The following PTPRN2 variants were observed in gnomAD, a reference collection of about 807,000 sequenced individuals.
PTPRN2 encodes receptor-type tyrosine-protein phosphatase N2.
A neutral mutation model predicts 118.8 loss-of-function variants in PTPRN2; 74 were observed. The ratio of observed to expected loss-of-function variants is 0.62; its 90% CI spans 0.52 to 0.76. PTPRN2 has a LOEUF of 0.76. Among genes scored for constraint, PTPRN2 ranks in the 30% least tolerant of loss-of-function variants. The probability of loss-of-function intolerance (pLI) is 0.00; values close to 1 mark genes in which losing one functional copy is unlikely to be tolerated. For missense variants in PTPRN2, 1,481 were observed against 1,394.4 expected (o/e 1.06, Z -0.99); for synonymous variants, 641 against 608.0 (o/e 1.05, Z -0.80).
At chr7:158,243,804 A>C (rs932537461) in intron 3 of PTPRN2, among the ~76,000 whole-genome samples, 3 of 151,964 alleles carry the variant, frequency 2.0e-5, no homozygotes, top group Non-Finnish European at 2.9e-5. Context: ...TATATCTCCT[A>C]AGTATCAGTG....
Position 158,563,336 on chromosome 7 carries a change from G to A in PTPRN2, c.112+24222C>T, listed in dbSNP as rs1477965329. 6.6e-6 allele frequency among the ~76,000 whole-genome samples: 1 copy of A among 152,200 alleles called. No homozygotes were observed. The highest frequency in any genetic ancestry group is 1.5e-5 in the Non-Finnish European group (1 of 68,036). ...CTCGTTCAAAGCAAGAAGTACCCAA[G>A]TGGAACGCAGATACGGCACGTCAGT... On this transcript the variant is annotated intron_variant, in intron 1 of 22. Transcript: ENST00000389418. The surrounding 1 kb of genome is among the most constrained non-coding windows in gnomAD (Gnocchi z 5.1).
At chr7:158,194,140 T>G (rs1199421371) in intron 4 of PTPRN2, among the ~76,000 whole-genome samples, 1 of 148,352 alleles carries the variant, frequency 6.7e-6, no homozygotes, top group Admixed American at 6.6e-5. Context: ...TGTGAGTTTG[T>G]GTAAGTGTGT....
intron 7 of PTPRN2, among the ~76,000 whole-genome samples, chr7:158,138,040 G>C (rs1311386185): frequency 6.6e-6 from 1 of 152,198 alleles, no homozygotes; most frequent in Non-Finnish European, 1.5e-5. Flanking sequence ...TCCTGACTCA[G>C]CCTCAGCATG....
At chr7:158,577,454 G>C (rs1586973338) in intron 1 of PTPRN2, among the ~76,000 whole-genome samples, 2 of 131,728 alleles carry the variant, frequency 1.5e-5, no homozygotes, top group Non-Finnish European at 3.2e-5. Flanking sequence ...TGCCCACCCT[G>C]CCTGATGCCA....
At chr7:158,027,564 C>G (rs1169010396) in intron 11 of PTPRN2, 1 of 152,282 alleles carries the variant, frequency 6.6e-6, no homozygotes, top group African/African-American at 2.4e-5. Flanking sequence ...GCACCCTCCA[C>G]AATCCTCTAT....
intron 1 of PTPRN2, among the ~76,000 whole-genome samples, chr7:158,519,748 C>G (rs578159892): frequency 1.3e-5 from 2 of 152,066 alleles, no homozygotes; most frequent in African/African-American, 2.4e-5. Flanking sequence ...TTCTCCCATC[C>G]CAAGCAGCCA....
At chr7:158,235,693 T>A (rs1302256309) in intron 3 of PTPRN2, among the ~76,000 whole-genome samples, 1 of 152,118 alleles carries the variant, frequency 6.6e-6, no homozygotes. Flanking sequence ...GTGACTAGAG[T>A]TAACAATAAT....
intron 6 of PTPRN2, among the ~76,000 whole-genome samples, chr7:158,149,225 T>G (rs1479182364): frequency 6.6e-6 from 1 of 152,140 alleles, no homozygotes; most frequent in Non-Finnish European, 1.5e-5. Flanking sequence ...TGACCTGCTC[T>G]CCAAGCTGGC....
Position 158,428,513 on chromosome 7 carries a change from G to A in PTPRN2, c.163+61222C>T, listed in dbSNP as rs1261934041. ...GCTGTTTCTCTCCATGGTTGAGATCGCAGTATTGGGACACTTTTACAGCTG... is the reference window on the plus strand; with the variant it reads ...GCTGTTTCTCTCCATGGTTGAGATCACAGTATTGGGACACTTTTACAGCTG... On this transcript the variant is annotated intron_variant, in intron 2 of 22. Transcript: ENST00000389418. 3.3e-5 allele frequency among the ~76,000 whole-genome samples: 5 copies of A among 152,180 alleles called. No individual in the cohort carries two copies. In the East Asian group the frequency reaches 5.8e-4, roughly 18 times the overall value.
intron 21 of PTPRN2, 77 bp downstream of exon 21, chr7:157,568,825 A>G: frequency 1.4e-6 from 2 of 1,452,416 alleles, no homozygotes. Context: ...GCCTCCCGTG[A>G]ACACGGCACC....
rs1330208863 is a variant in PTPRN2, at chr7:157,831,856, A to T, written c.1788+66817T>A. Among the ~76,000 whole-genome samples the T allele has an allele frequency of 6.6e-6, 1 of 152,202 alleles. No homozygotes were observed. Among genetic ancestry groups the T allele is most frequent in the Non-Finnish European group, 1.5e-5 (1 of 68,032 alleles). On this transcript the variant is annotated intron_variant, in intron 12 of 22. Transcript: ENST00000389418. The surrounding 1 kb of genome is among the most constrained non-coding windows in gnomAD (Gnocchi z 4.8). Reference sequence around the variant, plus strand: ...ACCCTAGGCCATAAAATATATGGATATTCCAGGGTTTAATTCATAGCCATC... The same window carrying T: ...ACCCTAGGCCATAAAATATATGGATTTTCCAGGGTTTAATTCATAGCCATC...
intron 2 of PTPRN2, 41 bp from the exon 3 acceptor site, chr7:158,316,973 A>C: frequency 6.8e-7 from 1 of 1,472,358 alleles, no homozygotes; most frequent in Non-Finnish European, 9.3e-7. Flanking sequence ...GAGACGTTTC[A>C]TTTTCAGAGA....
chr7:157,554,991 G>A lies in PTPRN2; in HGVS notation c.2903-5972C>T, dbSNP rs1020072347. Among the ~76,000 whole-genome samples, 12 of 151,526 alleles carry A rather than the reference G, an allele frequency of 7.9e-5. No individual in the cohort carries two copies. In the East Asian group the frequency reaches 2.1e-3, roughly 27 times the overall value. On this transcript the variant is annotated intron_variant, in intron 21 of 22. Coordinates refer to ENST00000389418, the MANE Select transcript of PTPRN2 (RefSeq NM_002847.5). ...TGGCGGGCGCCCCAGTGTGGCGGGC[G>A]TCCCAGTGTGGTGAGCACCGGCCAA...
chr7:158,575,210 T>C (rs532795543), intron 1 of PTPRN2, among the ~76,000 whole-genome samples: 1 of 152,370 alleles, frequency 6.6e-6, no homozygotes, highest in South Asian at 2.1e-4. Context: ...TGAAATCACC[T>C]GTAACAATCT....
chr7:158,416,116 G>A (rs529216633), intron 2 of PTPRN2, among the ~76,000 whole-genome samples: 13 of 152,288 alleles, frequency 8.5e-5, no homozygotes, highest in African/African-American at 2.9e-4. Context: ...CTGCACACCT[G>A]AACCATCCCT....
intron 3 of PTPRN2, among the ~76,000 whole-genome samples, chr7:158,311,663 C>G (rs900630145): frequency 1.3e-5 from 2 of 152,258 alleles, no homozygotes; most frequent in African/African-American, 2.4e-5. Context: ...AAGCAGCTGT[C>G]TGTCAATGAA....
In PTPRN2 at chr7:158,093,709, T is replaced by C. The variant is rs1374008498; in HGVS notation, c.1644-12332A>G. On this transcript the variant is annotated intron_variant, in intron 10 of 22. Coordinates refer to ENST00000389418, the MANE Select transcript of PTPRN2 (RefSeq NM_002847.5). The surrounding 1 kb of genome is among the most constrained non-coding windows in gnomAD (Gnocchi z 4.4). ...TAGCATAATGCATACCTACTTTCCT[T>C]ACACACACTTTTAATTTTACCACAT... Among the ~76,000 whole-genome samples the C allele has an allele frequency of 1.3e-5, 2 of 152,232 alleles. No homozygotes were observed. Among genetic ancestry groups the C allele is most frequent in the African/African-American group, 4.8e-5 (2 of 41,462 alleles).
chr7:157,789,824 ATGTT>A (rs924938809), intron 12 of PTPRN2, among the ~76,000 whole-genome samples: 5 of 128,656 alleles, frequency 3.9e-5, no homozygotes, highest in African/African-American at 1.2e-4. Flanking sequence ...AGTATGTGGT[ATGTT>A]TGTGTGTGTA....
At chr7:157,984,080 G>A (rs193266098) in intron 11 of PTPRN2, among the ~76,000 whole-genome samples, 62 of 152,194 alleles carry the variant, frequency 4.1e-4, no homozygotes, top group Non-Finnish European at 5.9e-4. Context: ...AAGGAAAATG[G>A]CATTTCATTA....
Sources: gnomAD v4.1 joint callset for allele counts (sites outside exome capture counted in the v4.1 genomes callset) on GRCh38, gnomAD v4.1.1 for gene constraint, Gnocchi (gnomAD v3.1) non-coding constraint, MANE v1.5 for transcripts, NCBI Gene and HGNC (gene_info 2026-07-23, HGNC 2026-07-21) for gene names.